Variants in ABCC11 observed in about 807,000 individuals in gnomAD.
ABCC11 encodes the protein ATP-binding cassette sub-family C member 11.
ABCC11 carries 135 observed loss-of-function variants against 149.3 expected under a neutral mutation model. That is an observed-to-expected ratio of 0.90 (90% CI 0.79 to 1.04). The LOEUF is 1.04. ABCC11 is among the 50% of genes least tolerant of loss of function. The pLI, the probability that ABCC11 is intolerant of heterozygous loss-of-function variation, is 0.00. For missense variants in ABCC11, 1,680 were observed against 1,722.1 expected (o/e 0.98, Z 0.43); for synonymous variants, 665 against 671.4 (o/e 0.99, Z 0.15).
At position 48,200,366 on chromosome 16, in the gene ABCC11, C is replaced by T. The variant is rs769747327; in HGVS notation, c.1992G>A (p.Val664=). 1 of 1,614,260 alleles carries T rather than the reference C, an allele frequency of 6.2e-7. No individual in the cohort carries two copies. Among genetic ancestry groups the T allele is most frequent in the South Asian group, 1.1e-5 (1 of 91,086 alleles). Residue 664 remains valine, a synonymous_variant, in exon 15 of 30, where the codon GTG becomes GTA. Transcript: ENST00000356608. ...AAATGTGCTTCCCCACGTGGGCGTC[C>T]ACAGCAGACAGGGGGTCGTCCAGCA... The part of the protein sequence containing the change: ...IYLLDDPLSA[V]DAHVGKHIFE...
chr16:48,197,268 G>C (rs998135027), intron 17 of ABCC11, among the ~76,000 whole-genome samples: 1 of 151,350 alleles, frequency 6.6e-6, no homozygotes, highest in African/African-American at 2.4e-5. Flanking sequence ...AGGTTGAAGT[G>C]AGCCAAGATC....
Position 48,185,865 on chromosome 16 carries a change from C to A in ABCC11, c.3071+1088G>T, listed in dbSNP as rs1312512040. On this transcript the variant is annotated intron_variant, in intron 22 of 29. Coordinates refer to ENST00000356608, the MANE Select transcript of ABCC11 (RefSeq NM_001370497.1). ...GTGCTCAAGCCACCTTGCTATCCTT[C>A]AAACCTACTTCCCCCATCTCATGGT... is the stretch of plus-strand genomic sequence containing the variant. Among the ~76,000 whole-genome samples the A allele has an allele frequency of 2.0e-5, 3 of 152,328 alleles. No homozygotes were observed. The East Asian group carries it at 5.8e-4, about 29-fold the overall frequency.
intron 6 of ABCC11, among the ~76,000 whole-genome samples, chr16:48,218,489 G>T (rs1407371832): frequency 6.6e-6 from 1 of 152,176 alleles, no homozygotes; most frequent in African/African-American, 2.4e-5. Flanking sequence ...ATTGATTTGA[G>T]AACGGTGCTA....
chr16:48,218,577 T>C (rs981502990), intron 6 of ABCC11, among the ~76,000 whole-genome samples: 7 of 152,200 alleles, frequency 4.6e-5, no homozygotes, highest in Non-Finnish European at 1.0e-4. Context: ...AATAAAATAA[T>C]GATATGGTTT....
In ABCC11 at chr16:48,211,174, A is replaced by C; in HGVS notation, c.1382T>G (p.Val461Gly). 6.2e-7 allele frequency: 1 copy of C among 1,614,192 alleles called. No individual in the cohort carries two copies. Among genetic ancestry groups the C allele is most frequent in the Non-Finnish European group, 8.5e-7 (1 of 1,180,040 alleles). Residue 461 changes from valine (V) to glycine (G), a missense_variant, in exon 11 of 30, where the codon GTT becomes GGT. Transcript: ENST00000356608. ...GTCTTGTAATGTCTGGACATAGAAAACAGGGCTCTCCTGGAGGAAAAACTT... is the reference window on the plus strand; with the variant it reads ...GTCTTGTAATGTCTGGACATAGAAACCAGGGCTCTCCTGGAGGAAAAACTT... Reference protein sequence around the residue: ...FKKFFLQESPVFYVQTLQDPS... With the variant: ...FKKFFLQESPGFYVQTLQDPS...
intron 23 of ABCC11, among the ~76,000 whole-genome samples, chr16:48,184,084 G>A (rs1052811218): frequency 6.6e-6 from 1 of 152,170 alleles, no homozygotes; most frequent in East Asian, 1.9e-4. Flanking sequence ...CAGTGTTCTC[G>A]TTCCAGCTCT....
Position 48,167,945 on chromosome 16 carries a change from T to C in ABCC11, c.3892-285A>G, listed in dbSNP as rs149641662. On this transcript the variant is annotated intron_variant, in intron 28 of 29. Transcript: ENST00000356608. ...GGCCTAGTGGCAACTTCTTGTTTTATTAACTACTTTCCCATTTACCGAAAC... is the reference window on the plus strand; with the variant it reads ...GGCCTAGTGGCAACTTCTTGTTTTACTAACTACTTTCCCATTTACCGAAAC... 3.5e-4 allele frequency among the ~76,000 whole-genome samples: 54 copies of C among 152,384 alleles called. 1 individual carries two copies. The highest frequency in any genetic ancestry group is 1.2e-3 in the African/African-American group (51 of 41,600).
intron 1 of ABCC11, among the ~76,000 whole-genome samples, chr16:48,236,997 C>A (rs562445380): frequency 6.6e-6 from 1 of 152,272 alleles, no homozygotes; most frequent in African/African-American, 2.4e-5. Flanking sequence ...AAGGTCATCA[C>A]CGAGGTCTGA....
intron 22 of ABCC11, among the ~76,000 whole-genome samples, 175 bp downstream of exon 22, chr16:48,186,778 C>G (rs1966769825): frequency 6.6e-6 from 1 of 152,104 alleles, no homozygotes; most frequent in Admixed American, 6.5e-5. Flanking sequence ...ATTTTTCATT[C>G]TTATAAATGA....
In ABCC11 at chr16:48,203,231, T is replaced by A; in HGVS notation, c.1875A>T (p.Thr625=). 6.4e-7 allele frequency: 1 copy of A among 1,573,028 alleles called. No individual in the cohort carries two copies. The highest frequency in any genetic ancestry group is 1.3e-5 in the African/African-American group (1 of 74,402). ...GGCAGGCTCGCCTCCCTCTCACCTC[T>A]GTCATGTCTCCAAAGGGCAGAAGTT... ...DLELLPFGDM[T]EIGERGLNLS... Residue 625 remains threonine (T), a synonymous_variant, in exon 14 of 30, where the codon ACA becomes ACT. Coordinates refer to ENST00000356608, the MANE Select transcript of ABCC11 (RefSeq NM_001370497.1).
At chr16:48,174,977 C>T (rs552394550) in intron 26 of ABCC11, among the ~76,000 whole-genome samples, 26 of 152,304 alleles carry the variant, frequency 1.7e-4, no homozygotes, top group African/African-American at 5.1e-4. Context: ...GCTCGGACTA[C>T]GGCTGTGCAC....
intron 15 of ABCC11, 82 bp downstream of exon 15, chr16:48,200,194 T>C (rs2150817742): frequency 2.1e-6 from 3 of 1,431,402 alleles, no homozygotes; most frequent in Admixed American, 1.8e-5. Context: ...GAGGCTGTTA[T>C]TGAATCACAC....
chr16:48,202,903 T>C (rs1715417980), intron 14 of ABCC11, among the ~76,000 whole-genome samples: 1 of 152,226 alleles, frequency 6.6e-6, no homozygotes, highest in African/African-American at 2.4e-5. Context: ...TCATGGCTGA[T>C]GTTGCACCAG....
intron 20 of ABCC11, among the ~76,000 whole-genome samples, chr16:48,189,412 T>C (rs1044571927): frequency 2.6e-5 from 4 of 152,116 alleles, no homozygotes; most frequent in Non-Finnish European, 4.4e-5. Flanking sequence ...GGGGTTGTTC[T>C]TGTTTGTTCA....
chr16:48,244,876 AT>A (rs1338953057), intron 1 of ABCC11, among the ~76,000 whole-genome samples: 1 of 152,122 alleles, frequency 6.6e-6, no homozygotes, highest in Non-Finnish European at 1.5e-5. Context: ...GGATAATTTA[AT>A]TTGAATCCTC....
At chr16:48,186,365 A>C (rs1016171293) in intron 22 of ABCC11, among the ~76,000 whole-genome samples, 6 of 152,188 alleles carry the variant, frequency 3.9e-5, no homozygotes, top group Admixed American at 6.5e-5. Context: ...TCAATCACGT[A>C]TAATTACAAA....
At chr16:48,241,016 C>T (rs112070127) in intron 1 of ABCC11, among the ~76,000 whole-genome samples, 19,883 of 152,010 alleles carry the variant, frequency 0.13, 1,614 homozygotes, top group African/African-American at 0.23. Flanking sequence ...CTCACTGCAA[C>T]CTCTGCCTCC....
At chr16:48,230,041 A>C (rs1970327831) in intron 3 of ABCC11, among the ~76,000 whole-genome samples, 1 of 152,140 alleles carries the variant, frequency 6.6e-6, no homozygotes, top group Non-Finnish European at 1.5e-5. Flanking sequence ...CCAAGTTGTC[A>C]TGGTTCTCCG....
chr16:48,185,179 A>G (rs1966682656), intron 22 of ABCC11, among the ~76,000 whole-genome samples: 1 of 152,208 alleles, frequency 6.6e-6, no homozygotes, highest in Non-Finnish European at 1.5e-5. Context: ...GCCTTTTGCT[A>G]TGAAAATTTT....
Sources: allele counts gnomAD v4.1 joint callset (sites outside exome capture counted in the v4.1 genomes callset), GRCh38; gene constraint gnomAD v4.1.1; transcripts MANE v1.5; gene names NCBI Gene and HGNC (gene_info 2026-07-23, HGNC 2026-07-21).